The following USP6NL variants were observed in gnomAD, a reference collection of about 807,000 sequenced individuals.
The protein encoded by USP6NL is USP6 N-terminal like, also known as USP6 N-terminal-like protein.
A neutral mutation model predicts 61.9 loss-of-function variants in USP6NL; 26 were observed. The observed-to-expected ratio is 0.42, with a 90% CI of 0.31 to 0.58. The LOEUF is 0.58. USP6NL is among the 20% of genes least tolerant of loss of function. USP6NL has a pLI of 0.16. For missense variants in USP6NL, 1,114 were observed against 1,034.3 expected (o/e 1.08, Z -1.06); for synonymous variants, 432 against 390.1 (o/e 1.11, Z -1.27).
At position 11,462,861 on chromosome 10, in the gene USP6NL, G is replaced by C. The variant is rs771778974; in HGVS notation, c.2067C>G (p.Ser689Arg). The C allele has an allele frequency of 4.2e-5, 68 of 1,613,822 alleles. No individual in the cohort carries two copies. Among genetic ancestry groups the C allele is most frequent in the Non-Finnish European group, 5.3e-5 (62 of 1,179,876 alleles). ...ASPEKSYSRP[S>R]PLVLPSSRIE... ...TTCGACTAGACGGCAGTACAAGGGG[G>C]CTTGGGCGGCTGTAAGATTTCTCCG... Residue 689 changes from serine to arginine, a missense_variant, in exon 15 of 15, where the codon AGC becomes AGG. Transcript: ENST00000609104.
chr10:11,481,736 T>C lies in USP6NL; in HGVS notation c.1078+34A>G. 6.4e-7 allele frequency: 1 copy of C among 1,563,412 alleles called. No individual in the cohort carries two copies. Among genetic ancestry groups the C allele is most frequent in the Non-Finnish European group, 8.6e-7 (1 of 1,158,858 alleles). ...ATGCCATGTCTTCCAATCTTAATTA[T>C]AACGTAGATATAAAGTATTGGGGTA... On this transcript the variant is annotated intron_variant, in intron 14 of 14. Coordinates refer to ENST00000609104, the MANE Select transcript of USP6NL (RefSeq NM_014688.5). This position sits in a 1 kb window ranked among gnomAD's most constrained non-coding sequence, Gnocchi z 4.4.
intron 2 of USP6NL, among the ~76,000 whole-genome samples, chr10:11,545,069 T>A (rs187424558): frequency 1.3e-5 from 2 of 152,286 alleles, no homozygotes; most frequent in Non-Finnish European, 1.5e-5. Context: ...CTTTAGTACA[T>A]CCTGAACTTT....
At chr10:11,557,925 T>C (rs968645944) in intron 2 of USP6NL, among the ~76,000 whole-genome samples, 2 of 152,100 alleles carry the variant, frequency 1.3e-5, no homozygotes, top group Non-Finnish European at 2.9e-5. Flanking sequence ...AAAATAGGTA[T>C]GGAGAAGAAA....
rs565363327 is a variant in USP6NL at position 11,530,503 on chromosome 10, T to C, written c.5-2936A>G. Among the ~76,000 whole-genome samples the C allele has an allele frequency of 4.6e-5, 7 of 152,336 alleles. No individual in the cohort carries two copies. In the East Asian group the frequency reaches 1.3e-3, roughly 29 times the overall value. Reference sequence around the variant, plus strand: ...TTGGATGAAATTGCATCCTGATTTTTTGGGAGAAGTATGATGTACTTTAAA... The same window carrying C: ...TTGGATGAAATTGCATCCTGATTTTCTGGGAGAAGTATGATGTACTTTAAA... On this transcript the variant is annotated intron_variant, in intron 2 of 14. Transcript: ENST00000609104.
Position 11,495,718 on chromosome 10 carries a change from A to T in USP6NL, c.385-2490T>A, listed in dbSNP as rs1037071144. Among the ~76,000 whole-genome samples, 16 of 152,234 alleles carry T rather than the reference A, an allele frequency of 1.1e-4. No individual in the cohort carries two copies. Among genetic ancestry groups the T allele is most frequent in the Non-Finnish European group, 1.0e-4 (7 of 68,034 alleles). On this transcript the variant is annotated intron_variant, in intron 7 of 14. Coordinates refer to ENST00000609104, the MANE Select transcript of USP6NL (RefSeq NM_014688.5). This position sits in a 1 kb window ranked among gnomAD's most constrained non-coding sequence, Gnocchi z 4.6. ...ATTTTTCTCTGAAGATATTAAAAATAGTTTTTTAGATTCTCTTCTTTACAC... is the reference window on the plus strand; with the variant it reads ...ATTTTTCTCTGAAGATATTAAAAATTGTTTTTTAGATTCTCTTCTTTACAC...
Position 11,597,618 on chromosome 10 carries a change from G to A in USP6NL, c.4+13C>T. The A allele has an allele frequency of 6.4e-7, 1 of 1,551,556 alleles. No homozygotes were observed. The highest frequency in any genetic ancestry group is 8.7e-7 in the Non-Finnish European group (1 of 1,146,854). ...CCTGAGATGGCTGGAAGGAAAGGAA[G>A]CAGCGCACTTACTCATGACTGGAAA... On this transcript the variant is annotated intron_variant, in intron 2 of 14. Coordinates refer to ENST00000609104, the MANE Select transcript of USP6NL (RefSeq NM_014688.5). The surrounding 1 kb of genome is among the most constrained non-coding windows in gnomAD (Gnocchi z 4.6).
At position 11,609,934 on chromosome 10, in the gene USP6NL, C is replaced by G. The variant is rs559805006; in HGVS notation, c.-84+1509G>C. Reference sequence around the variant, plus strand: ...TAAAACTGGTAATGGACTAGTCTTACCAGAAACAAGTACAACAAAGAGTCT... The same window carrying G: ...TAAAACTGGTAATGGACTAGTCTTAGCAGAAACAAGTACAACAAAGAGTCT... On this transcript the variant is annotated intron_variant, in intron 1 of 14. Transcript: ENST00000609104. 7.9e-5 allele frequency among the ~76,000 whole-genome samples: 12 copies of G among 152,270 alleles called. No individual in the cohort carries two copies. The East Asian group carries it at 2.3e-3, about 29-fold the overall frequency.
In USP6NL at chr10:11,470,652, C is replaced by T. The variant is rs1024390502; in HGVS notation, c.1079-6803G>A. Among the ~76,000 whole-genome samples the T allele has an allele frequency of 6.6e-6, 1 of 152,204 alleles. No individual in the cohort carries two copies. The highest frequency in any genetic ancestry group is 6.5e-5 in the Admixed American group (1 of 15,284). On this transcript the variant is annotated intron_variant, in intron 14 of 14. Coordinates refer to ENST00000609104, the MANE Select transcript of USP6NL (RefSeq NM_014688.5). This position sits in a 1 kb window ranked among gnomAD's most constrained non-coding sequence, Gnocchi z 5.4. ...ACCACCCCTAACCCCACCACACAAA[C>T]ACTGCTCTACTTGTCTTTGGTTTAA... is the stretch of plus-strand genomic sequence containing the variant.
chr10:11,488,663 A>G (rs1833580920), intron 10 of USP6NL, among the ~76,000 whole-genome samples: 2 of 152,216 alleles, frequency 1.3e-5, no homozygotes, highest in South Asian at 4.1e-4. Context: ...CCTAAGTGTC[A>G]TTTCTCAATT....
In USP6NL at chr10:11,562,887, C is replaced by T; in HGVS notation, c.4+34744G>A. 1 of 568,514 alleles carries T rather than the reference C, an allele frequency of 1.8e-6. No homozygotes were observed. The highest frequency in any genetic ancestry group is 2.2e-6 in the Non-Finnish European group (1 of 449,532). 35.2% of individuals were successfully genotyped at this position (568,514 alleles called of 1,614,324 possible). On this transcript the variant is annotated intron_variant, in intron 2 of 14. Transcript: ENST00000609104. This position sits in a 1 kb window ranked among gnomAD's most constrained non-coding sequence, Gnocchi z 4.8. ...AAAAAGTAGACATCCACTTACCATG[C>T]AATCTATGAATCACATTCCTGGGTA...
chr10:11,471,264 A>G (rs1171605065), intron 14 of USP6NL, among the ~76,000 whole-genome samples: 1 of 152,194 alleles, frequency 6.6e-6, no homozygotes, highest in Non-Finnish European at 1.5e-5. Context: ...ACTTACTGCC[A>G]ACCACTATGA....
Position 11,463,195 on chromosome 10 carries a change from C to CG in USP6NL, c.1732dup (p.Arg578ProfsTer8), listed in dbSNP as rs1566107881. 1 of 1,613,458 alleles carries CG rather than the reference C, an allele frequency of 6.2e-7. No homozygotes were observed. Among genetic ancestry groups the CG allele is most frequent in the South Asian group, 1.1e-5 (1 of 91,090 alleles). On this transcript the variant is annotated frameshift_variant, in exon 15 of 15. Transcript: ENST00000609104. LOFTEE classifies it low-confidence loss of function (END_TRUNC). The surrounding 1 kb of genome is among the most constrained non-coding windows in gnomAD (Gnocchi z 6.3). The stretch of plus-strand genomic sequence containing the variant: ...CGGGCTAGGAGGGTAAAGGGCATGC[C>CG]GGGGGCTCTGGGAGTAAGCCCTTTC...
Position 11,463,814 on chromosome 10 carries a change from G to C in USP6NL, c.1114C>G (p.Gln372Glu), listed in dbSNP as rs755509746. ...EDEYPKKPLG[Q>E]LPPELQSWGV... ...CAAGACTGAAGTTCAGGTGGAAGCT[G>C]CCCCAAGGGCTTCTTTGGATATTCA... The change falls in exon 15 of 15, where the codon CAG (glutamine) becomes GAG (glutamate). Residue 372 changes from glutamine to glutamate, a missense_variant. Physicochemically the swap from Gln to Glu is conservative, Grantham distance 29 (BLOSUM62 2). Coordinates refer to ENST00000609104, the MANE Select transcript of USP6NL (RefSeq NM_014688.5). The surrounding 1 kb of genome is among the most constrained non-coding windows in gnomAD (Gnocchi z 6.3). 6.8e-7 allele frequency: 1 copy of C among 1,475,420 alleles called. No individual in the cohort carries two copies. The highest frequency in any genetic ancestry group is 1.4e-5 in the African/African-American group (1 of 70,328). 91.4% of individuals were successfully genotyped at this position (1,475,420 alleles called of 1,614,324 possible). A position where few individuals can be genotyped will look rare whatever the true frequency, so the allele number is the denominator to read the frequency against.
intron 2 of USP6NL, chr10:11,573,439 T>C: frequency 2.6e-6 from 1 of 388,904 alleles, no homozygotes; most frequent in Non-Finnish European, 4.5e-6. Flanking sequence ...ATGAGGCATG[T>C]TAACAATTAT....
At chr10:11,477,278 G>A (rs933404695) in intron 14 of USP6NL, among the ~76,000 whole-genome samples, 1 of 152,068 alleles carries the variant, frequency 6.6e-6, no homozygotes. Context: ...ACTAAATTCT[G>A]GATAATTTTA....
At chr10:11,484,943 A>T in intron 13 of USP6NL, 28 bp downstream of exon 13, 1 of 1,481,640 alleles carries the variant, frequency 6.7e-7, no homozygotes, top group Non-Finnish European at 9.0e-7. Flanking sequence ...TTTTTAATGA[A>T]ATTTTAAGAG....
chr10:11,529,368 A>G (rs1270040378), intron 2 of USP6NL, among the ~76,000 whole-genome samples: 1 of 152,218 alleles, frequency 6.6e-6, no homozygotes, highest in African/African-American at 2.4e-5. Context: ...ATTTGATAAT[A>G]TGTGTAAAAA....
chr10:11,607,202 C>G (rs1043052585), intron 1 of USP6NL, among the ~76,000 whole-genome samples: 1 of 152,172 alleles, frequency 6.6e-6, no homozygotes, highest in African/African-American at 2.4e-5. Context: ...ACATATATAC[C>G]TAACTTTTAT....
At chr10:11,576,055 G>C (rs552521972) in intron 2 of USP6NL, among the ~76,000 whole-genome samples, 1 of 151,402 alleles carries the variant, frequency 6.6e-6, no homozygotes, top group South Asian at 2.1e-4. Flanking sequence ...AATAGTTACG[G>C]GTAAATACTT....
Sources: gnomAD v4.1 joint callset for allele counts (sites outside exome capture counted in the v4.1 genomes callset) on GRCh38, gnomAD v4.1.1 for gene constraint, Gnocchi (gnomAD v3.1) non-coding constraint, MANE v1.5 for transcripts, NCBI Gene and HGNC (gene_info 2026-07-23, HGNC 2026-07-21) for gene names.